The following BABAM2 variants were observed in gnomAD, a reference collection of about 807,000 sequenced individuals.
BABAM2 encodes the protein BRISC and BRCA1 A complex member 2, also known as BRISC and BRCA1-A complex member 2.
In BABAM2, 31 loss-of-function variants were observed where a neutral mutation model predicts 54.7. That is an observed-to-expected ratio of 0.57 (90% CI 0.43 to 0.77). The LOEUF (loss-of-function observed/expected upper bound fraction) is 0.77. BABAM2 is among the 30% of genes least tolerant of loss of function. The pLI is 0.00. For missense variants in BABAM2, 364 were observed against 455.8 expected (o/e 0.80, Z 1.83); for synonymous variants, 167 against 162.9 (o/e 1.03, Z -0.19).
chr2:28,105,118 A>G (rs916196678), intron 6 of BABAM2, among the ~76,000 whole-genome samples: 14 of 152,120 alleles, frequency 9.2e-5, no homozygotes, highest in African/African-American at 2.4e-4. Flanking sequence ...CAGCACACCA[A>G]CATGGCACAT....
intron 11 of BABAM2, among the ~76,000 whole-genome samples, chr2:28,335,823 G>A (rs1034339587): frequency 5.3e-5 from 8 of 152,178 alleles, no homozygotes; most frequent in African/African-American, 1.9e-4. Flanking sequence ...TGAGAAGAAG[G>A]GAGAGGCAGT....
chr2:28,070,991 A>G (rs1573518480), intron 6 of BABAM2, among the ~76,000 whole-genome samples: 1 of 152,016 alleles, frequency 6.6e-6, no homozygotes, highest in Admixed American at 6.5e-5. Context: ...AAGTTACTCA[A>G]CGCCCCCGCC....
At chr2:28,122,650 T>C (rs1669178154) in intron 6 of BABAM2, among the ~76,000 whole-genome samples, 1 of 152,252 alleles carries the variant, frequency 6.6e-6, no homozygotes, top group Non-Finnish European at 1.5e-5. Flanking sequence ...TGTACCTATA[T>C]TGACACTAAT....
chr2:28,332,060 C>G (rs189621308), intron 11 of BABAM2, among the ~76,000 whole-genome samples: 36 of 152,214 alleles, frequency 2.4e-4, no homozygotes, highest in African/African-American at 8.2e-4. Context: ...AAACTAACAC[C>G]GGAACAGAAA....
chr2:28,140,847 A>G (rs1212499268), intron 7 of BABAM2, among the ~76,000 whole-genome samples: 1 of 152,118 alleles, frequency 6.6e-6, no homozygotes, highest in Non-Finnish European at 1.5e-5. Context: ...GCCATAGCAA[A>G]ATACCATAGA....
chr2:28,002,498 GT>G (rs1226869205), intron 4 of BABAM2, among the ~76,000 whole-genome samples: 15 of 151,734 alleles, frequency 9.9e-5, no homozygotes, highest in Non-Finnish European at 1.3e-4. Context: ...TTGCAATAAA[GT>G]TTTTTTTAAA....
chr2:27,954,516 G>A (rs1418442744), intron 3 of BABAM2, among the ~76,000 whole-genome samples: 1 of 152,178 alleles, frequency 6.6e-6, no homozygotes, highest in East Asian at 1.9e-4. Context: ...AGCAAAGAAG[G>A]CAAGACTTCT....
chr2:27,916,445 C>A (rs971400114), intron 2 of BABAM2, among the ~76,000 whole-genome samples: 6 of 152,160 alleles, frequency 3.9e-5, no homozygotes, highest in African/African-American at 1.4e-4. Flanking sequence ...GTAATAATTA[C>A]CAGCATTCCC....
intron 4 of BABAM2, among the ~76,000 whole-genome samples, chr2:28,021,643 A>G (rs1451458168): frequency 5.3e-5 from 8 of 152,168 alleles, no homozygotes; most frequent in Non-Finnish European, 1.0e-4. Context: ...TCGATATGCT[A>G]GAGAGTTGGG....
chr2:28,182,520 G>A (rs1013109708), intron 7 of BABAM2, among the ~76,000 whole-genome samples: 7 of 152,102 alleles, frequency 4.6e-5, no homozygotes, highest in East Asian at 1.9e-4. Flanking sequence ...ACATCCTCCC[G>A]TGTTCAGAGT....
chr2:28,051,687 C>T (rs1020512205), intron 6 of BABAM2, among the ~76,000 whole-genome samples: 2 of 151,446 alleles, frequency 1.3e-5, no homozygotes, highest in East Asian at 1.9e-4. Context: ...TTGCTCTTGT[C>T]GCCCAGGCTG....
At chr2:28,237,757 T>C (rs1682046207) in intron 8 of BABAM2, among the ~76,000 whole-genome samples, 1 of 152,234 alleles carries the variant, frequency 6.6e-6, no homozygotes, top group African/African-American at 2.4e-5. Flanking sequence ...TGTACCTTAC[T>C]TTTTAATAGT....
At chr2:27,908,551 C>T (rs1666353258) in intron 2 of BABAM2, among the ~76,000 whole-genome samples, 1 of 152,170 alleles carries the variant, frequency 6.6e-6, no homozygotes, top group Non-Finnish European at 1.5e-5. Flanking sequence ...GGATTACAGG[C>T]GTGAGCCTCT....
At chr2:27,977,870 C>A (rs1325927602) in intron 3 of BABAM2, among the ~76,000 whole-genome samples, 1 of 152,082 alleles carries the variant, frequency 6.6e-6, no homozygotes, top group East Asian at 1.9e-4. Context: ...GAACTGCCTT[C>A]AAATAATTGA....
At chr2:27,972,153 T>C (rs1197779255) in intron 3 of BABAM2, among the ~76,000 whole-genome samples, 1 of 152,184 alleles carries the variant, frequency 6.6e-6, no homozygotes, top group Non-Finnish European at 1.5e-5. Flanking sequence ...AAGAATCACG[T>C]AGCTTAATTT....
At chr2:28,334,119 C>A (rs140438894) in intron 11 of BABAM2, among the ~76,000 whole-genome samples, 117 of 152,380 alleles carry the variant, frequency 7.7e-4, no homozygotes, top group African/African-American at 2.7e-3. Context: ...CCACGCTTCC[C>A]CTTGGCAGCA....
intron 11 of BABAM2, among the ~76,000 whole-genome samples, chr2:28,334,008 T>C (rs1051922352): frequency 2.0e-4 from 30 of 152,314 alleles, no homozygotes; most frequent in Admixed American, 5.9e-4. Context: ...TCATTTTCCC[T>C]TTCCCCCTCC....
intron 2 of BABAM2, among the ~76,000 whole-genome samples, chr2:27,911,677 C>T (rs1666610978): frequency 1.3e-5 from 2 of 152,180 alleles, no homozygotes; most frequent in African/African-American, 4.8e-5. Flanking sequence ...ATCAGTTCCT[C>T]TCAGAAGCTG....
chr2:28,004,146 CACTT>C (rs1573372010), intron 4 of BABAM2, among the ~76,000 whole-genome samples: 1 of 113,386 alleles, frequency 8.8e-6, no homozygotes, highest in Admixed American at 8.3e-5. Context: ...AAAAAAAAAA[CACTT>C]AGCCATTAAA....
Sources: allele counts gnomAD v4.1 joint callset (sites outside exome capture counted in the v4.1 genomes callset), GRCh38; gene constraint gnomAD v4.1.1; transcripts MANE v1.5; gene names NCBI Gene and HGNC (gene_info 2026-07-23, HGNC 2026-07-21).